The following HINT3 variants were observed in gnomAD, a reference collection of about 807,000 sequenced individuals.
The protein encoded by HINT3 is adenosine 5'-monophosphoramidase HINT3.
In HINT3, 16 loss-of-function variants were observed where a neutral mutation model predicts 19.1. That is an observed-to-expected ratio of 0.84 (90% CI 0.57 to 1.27). The LOEUF (loss-of-function observed/expected upper bound fraction) is 1.27, where lower values mean the gene tolerates loss of function less well. HINT3 is among the 50% of genes most tolerant of loss of function. The pLI is 0.00. For missense variants in HINT3, 197 were observed against 225.8 expected (o/e 0.87, Z 0.82); for synonymous variants, 75 against 84.8 (o/e 0.88, Z 0.63).
Position 125,974,786 on chromosome 6 carries a change from C to A in HINT3, c.390-61C>A, listed in dbSNP as rs557368100. 122 of 1,549,784 alleles carry A rather than the reference C, an allele frequency of 7.9e-5. No individual in the cohort carries two copies. In the African/African-American group the frequency reaches 1.3e-3, roughly 17 times the overall value. On this transcript the variant is annotated intron_variant, in intron 3 of 4. Coordinates refer to ENST00000229633, the MANE Select transcript of HINT3 (RefSeq NM_138571.5). ...TCTCATTAAAATTTATGTGTTTTCA[C>A]CTGAAAAATGACTTTATTTTAGAAC...
At position 125,974,959 on chromosome 6, in the gene HINT3, T is replaced by C; in HGVS notation, c.502T>C (p.Tyr168His). ...LSKLVYRVNS[Y>H]WFITADHLIE... is the part of the protein sequence containing the mutation. ...CAAGTTGGTTTATAGAGTCAATTCC[T>C]ATTGGTTTATCACAGTGAGTATTCT... Residue 168 changes from tyrosine (Y) to histidine (H), a missense_variant, in exon 4 of 5, where the codon TAT (tyrosine) becomes CAT (histidine). Tyr to His is a moderately conservative substitution (Grantham distance 83, BLOSUM62 2). Coordinates refer to ENST00000229633, the MANE Select transcript of HINT3 (RefSeq NM_138571.5). 1 of 1,613,890 alleles carries C rather than the reference T, an allele frequency of 6.2e-7. No homozygotes were observed. Among genetic ancestry groups the C allele is most frequent in the Non-Finnish European group, 8.5e-7 (1 of 1,179,804 alleles).
In HINT3 at chr6:125,979,552, G is replaced by C. The variant is rs1369876851; in HGVS notation, c.*1876G>C. On this transcript the variant is annotated 3_prime_UTR_variant, in exon 5 of 5. Coordinates refer to ENST00000229633, the MANE Select transcript of HINT3 (RefSeq NM_138571.5). ...GTGGATCACAAGGTCAGGAGTTCGA[G>C]ACCAGCCTGGCCAATATGGTGAAAC... 6.6e-6 allele frequency: 1 copy of C among 152,170 alleles called. No homozygotes were observed. Among genetic ancestry groups the C allele is most frequent in the Non-Finnish European group, 1.5e-5 (1 of 68,052 alleles). 9.4% of individuals were successfully genotyped at this position (152,170 alleles called of 1,614,324 possible).
chr6:125,974,358 A>G (rs1210030198), intron 3 of HINT3, among the ~76,000 whole-genome samples: 1 of 152,226 alleles, frequency 6.6e-6, no homozygotes, highest in Non-Finnish European at 1.5e-5. Context: ...TTTTATGATG[A>G]CATAATTAAT....
Position 125,957,260 on chromosome 6 carries a change from A to T in HINT3, c.201+82A>T, listed in dbSNP as rs1788853611. The T allele has an allele frequency of 3.6e-6, 5 of 1,391,182 alleles. No homozygotes were observed. In the South Asian group the frequency reaches 5.4e-5, roughly 15 times the overall value. 86.2% of individuals were successfully genotyped at this position (1,391,182 alleles called of 1,614,324 possible). On this transcript the variant is annotated intron_variant, in intron 1 of 4. Transcript: ENST00000229633. Reference sequence around the variant, plus strand: ...CGGCAGGGAGGCCTCGCCGTTGTGGAGCGGGTGCAGAGGATCCCGATCGCT... The same window carrying T: ...CGGCAGGGAGGCCTCGCCGTTGTGGTGCGGGTGCAGAGGATCCCGATCGCT...
intron 1 of HINT3, among the ~76,000 whole-genome samples, chr6:125,964,195 C>G (rs549134273): frequency 5.9e-5 from 9 of 152,230 alleles, no homozygotes; most frequent in Non-Finnish European, 1.0e-4. Context: ...AAATCATTCT[C>G]TTCTTTGAAT....
In HINT3 at chr6:125,962,321, A is replaced by G. The variant is rs1788957256; in HGVS notation, c.202-4566A>G. Among the ~76,000 whole-genome samples, 4 of 130,972 alleles carry G rather than the reference A, an allele frequency of 3.1e-5. 1 individual carries two copies. Among genetic ancestry groups the G allele is most frequent in the African/African-American group, 8.9e-5 (3 of 33,690 alleles). 85.9% of individuals were successfully genotyped at this position (130,972 alleles called of 152,430 possible). A position where few individuals can be genotyped will look rare whatever the true frequency, so the allele number is the denominator to read the frequency against. On this transcript the variant is annotated intron_variant, in intron 1 of 4. Coordinates refer to ENST00000229633, the MANE Select transcript of HINT3 (RefSeq NM_138571.5). ...ATATATATATATCACACATATATAT[A>G]TATATATATCACACACACATAACCG... is the stretch of plus-strand genomic sequence containing the variant.
At chr6:125,972,370 G>T in intron 3 of HINT3, 42 bp downstream of exon 3, 2 of 1,207,504 alleles carry the variant, frequency 1.7e-6, no homozygotes, top group South Asian at 3.2e-5. Context: ...ATACATTATT[G>T]ACGTTTTTCA....
Position 125,957,066 on chromosome 6 carries a change from G to A in HINT3, c.89G>A (p.Gly30Glu), listed in dbSNP as rs1238618773. 1.3e-6 allele frequency: 2 copies of A among 1,550,912 alleles called. No homozygotes were observed. The highest frequency in any genetic ancestry group is 2.4e-5 in the East Asian group (1 of 40,922). The change falls in exon 1 of 5, where the codon GGG becomes GAG. Residue 30 changes from glycine to glutamate, a missense_variant. Gly to Glu is a moderately conservative substitution (Grantham distance 98). Transcript: ENST00000229633. ...ATAETTVSSV[G>E]TCEAAGKSPE... Reference sequence around the variant, plus strand: ...GCAGAAACTACGGTTTCCTCAGTGGGGACCTGTGAAGCCGCTGGCAAGTCA... The same window carrying A: ...GCAGAAACTACGGTTTCCTCAGTGGAGACCTGTGAAGCCGCTGGCAAGTCA...
At chr6:125,958,904 T>G (rs891845283) in intron 1 of HINT3, among the ~76,000 whole-genome samples, 18 of 152,282 alleles carry the variant, frequency 1.2e-4, no homozygotes, top group African/African-American at 4.1e-4. Context: ...TTAGAAACCC[T>G]GATTTAGATA....
chr6:125,957,207 G>A, intron 1 of HINT3, 29 bp downstream of exon 1: 1 of 1,531,296 alleles, frequency 6.5e-7, no homozygotes, highest in African/African-American at 1.4e-5. Context: ...CCGGGGGTGG[G>A]TGAGGACCTG....
At chr6:125,964,394 T>C (rs1788987586) in intron 1 of HINT3, among the ~76,000 whole-genome samples, 1 of 71,512 alleles carries the variant, frequency 1.4e-5, no homozygotes, top group South Asian at 5.1e-4. Flanking sequence ...ATCTCTACCA[T>C]GTCTCTTTCT....
chr6:125,973,753 A>G (rs893315407), intron 3 of HINT3, among the ~76,000 whole-genome samples: 1 of 152,190 alleles, frequency 6.6e-6, no homozygotes, highest in African/African-American at 2.4e-5. Flanking sequence ...CAGTCATAGG[A>G]TACTTATTAG....
rs1236126246 is a variant in HINT3, at chr6:125,979,825, G to A, written c.*2149G>A. The A allele has an allele frequency of 6.6e-6, 1 of 152,118 alleles. No individual in the cohort carries two copies. The highest frequency in any genetic ancestry group is 2.4e-5 in the African/African-American group (1 of 41,428). 9.4% of individuals were successfully genotyped at this position (152,118 alleles called of 1,614,324 possible). On this transcript the variant is annotated 3_prime_UTR_variant, in exon 5 of 5. Coordinates refer to ENST00000229633, the MANE Select transcript of HINT3 (RefSeq NM_138571.5). ...ATGCCTTATGGACCTCTTCAAAAAT[G>A]TGGTTAGCCAATTGATTCAACTTTT... is the stretch of plus-strand genomic sequence containing the variant.
At position 125,979,000 on chromosome 6, in the gene HINT3, G is replaced by A. The variant is rs960988886; in HGVS notation, c.*1324G>A. ...AAAATCAGTGATTAGAATTTAGTGC[G>A]TTAAGTTCCCTGATGCCTTCACAGC... On this transcript the variant is annotated 3_prime_UTR_variant, in exon 5 of 5. Transcript: ENST00000229633. 5 of 152,290 alleles carry A rather than the reference G, an allele frequency of 3.3e-5. No individual in the cohort carries two copies. The highest frequency in any genetic ancestry group is 2.0e-4 in the Admixed American group (3 of 15,298). 9.4% of individuals were successfully genotyped at this position (152,290 alleles called of 1,614,324 possible).
chr6:125,973,097 A>G (rs1313607179), intron 3 of HINT3, among the ~76,000 whole-genome samples: 1 of 33,438 alleles, frequency 3.0e-5, no homozygotes, highest in Non-Finnish European at 4.5e-5. Context: ...TTTTTTTGAG[A>G]CGGAGTCTTG....
Position 125,966,876 on chromosome 6 carries a change from T to C in HINT3, c.202-11T>C. ...TTTTAAAAATTCACTAACAAATGTTTTTTCCTTTAGAATGAGGACCTAATT... is the reference window on the plus strand; with the variant it reads ...TTTTAAAAATTCACTAACAAATGTTCTTTCCTTTAGAATGAGGACCTAATT... On this transcript the variant is annotated splice_polypyrimidine_tract_variant and intron_variant, in intron 1 of 4. Coordinates refer to ENST00000229633, the MANE Select transcript of HINT3 (RefSeq NM_138571.5). 3 of 1,556,718 alleles carry C rather than the reference T, an allele frequency of 1.9e-6. No homozygotes were observed. Among genetic ancestry groups the C allele is most frequent in the Non-Finnish European group, 2.6e-6 (3 of 1,132,346 alleles).
At chr6:125,969,360 CTG>C (rs1171959153) in intron 2 of HINT3, among the ~76,000 whole-genome samples, 3 of 152,086 alleles carry the variant, frequency 2.0e-5, no homozygotes, top group African/African-American at 7.2e-5. Context: ...TTCTGTTGGT[CTG>C]TGTGTCTGTT....
intron 1 of HINT3, among the ~76,000 whole-genome samples, chr6:125,962,357 A>G (rs2128710834): frequency 6.9e-6 from 1 of 145,890 alleles, no homozygotes; most frequent in South Asian, 2.2e-4. Flanking sequence ...TATAATACAA[A>G]ACGTAAGATA....
intron 1 of HINT3, among the ~76,000 whole-genome samples, chr6:125,966,119 G>C (rs1434164074): frequency 6.6e-6 from 1 of 152,150 alleles, no homozygotes; most frequent in African/African-American, 2.4e-5. Flanking sequence ...TACTGAATAA[G>C]ATATTCACTA....
Sources: gnomAD v4.1 joint callset for allele counts (sites outside exome capture counted in the v4.1 genomes callset) on GRCh38, gnomAD v4.1.1 for gene constraint, MANE v1.5 for transcripts, NCBI Gene and HGNC (gene_info 2026-07-23, HGNC 2026-07-21) for gene names.